Variants in BTG4 observed in about 807,000 individuals in gnomAD.
The protein encoded by BTG4 is protein BTG4.
A neutral mutation model predicts 19.3 loss-of-function variants in BTG4; 10 were observed. The observed-to-expected ratio is 0.52, with a 90% CI of 0.32 to 0.88. The LOEUF (loss-of-function observed/expected upper bound fraction) is 0.88, where lower values mean the gene tolerates loss of function less well. Ranked by LOEUF, BTG4 falls within the 40% of genes least tolerant of loss-of-function variation. The pLI is 0.04. For missense variants in BTG4, 238 were observed against 281.9 expected (o/e 0.84, Z 1.11); for synonymous variants, 91 against 95.7 (o/e 0.95, Z 0.29).
In BTG4 at chr11:111,483,268, A is replaced by C. The variant is rs954427773; in HGVS notation, c.662+11895T>G. On this transcript the variant is annotated intron_variant, in intron 5 of 5. Transcript: ENST00000356018. The stretch of plus-strand genomic sequence containing the variant: ...AAGCCTTCTCAAGAAGGGCAGGTAC[A>C]AATAAATCCAGATTACAAAGATTGG... Among the ~76,000 whole-genome samples, 6 of 152,210 alleles carry C rather than the reference A, an allele frequency of 3.9e-5. No individual in the cohort carries two copies. In the East Asian group the frequency reaches 7.7e-4, roughly 20 times the overall value.
At chr11:111,387,888 T>C in the BTG4 span, among the ~76,000 whole-genome samples, 1 of 152,204 alleles carries the variant, frequency 6.6e-6, no homozygotes, top group African/African-American at 2.4e-5. Flanking sequence ...CCTTTTTTTT[T>C]TCTTCTTTGC....
At chr11:111,416,158 C>T in the BTG4 span, 1 of 152,168 alleles carries the variant, frequency 6.6e-6, no homozygotes, top group Admixed American at 6.6e-5. Context: ...GGAGAAAGAG[C>T]TTGGAGGATG....
intron 5 of BTG4, among the ~76,000 whole-genome samples, chr11:111,483,065 C>A (rs536816360): frequency 2.6e-5 from 4 of 152,208 alleles, no homozygotes; most frequent in African/African-American, 9.6e-5. Context: ...AATTGAACAA[C>A]TACCCATGCA....
chr11:111,419,771 T>C, the BTG4 span, among the ~76,000 whole-genome samples: 1 of 152,258 alleles, frequency 6.6e-6, no homozygotes, highest in Admixed American at 6.5e-5. Flanking sequence ...GGCAGCGGGA[T>C]GGCTTCACCC....
upstream of BTG4, chr11:111,513,602 C>A: frequency 2.4e-6 from 1 of 424,584 alleles, no homozygotes; most frequent in Non-Finnish European, 4.9e-6. Flanking sequence ...CATCCATTGC[C>A]TATTAATTGC....
intron 1 of BTG4, among the ~76,000 whole-genome samples, chr11:111,511,699 T>G (rs1372791451): frequency 6.6e-6 from 1 of 152,178 alleles, no homozygotes; most frequent in African/African-American, 2.4e-5. Flanking sequence ...CCAGAAGTCC[T>G]CTGTAACTGT....
At chr11:111,390,994 C>T in the BTG4 span, among the ~76,000 whole-genome samples, 2 of 152,208 alleles carry the variant, frequency 1.3e-5, no homozygotes, top group African/African-American at 2.4e-5. Context: ...ATTTGGCAGA[C>T]TTCTGGTGCA....
the BTG4 span, chr11:111,450,737 C>T: frequency 3.3e-5 from 5 of 152,336 alleles, no homozygotes; most frequent in African/African-American, 1.2e-4. Flanking sequence ...CAGAGGGAAT[C>T]CCTGCTTGTT....
At chr11:111,485,790 C>A (rs1162395016) in intron 5 of BTG4, among the ~76,000 whole-genome samples, 1 of 151,864 alleles carries the variant, frequency 6.6e-6, no homozygotes, top group Non-Finnish European at 1.5e-5. Flanking sequence ...TACAAAAGAA[C>A]AAAATGAAAA....
At chr11:111,487,749 T>C (rs1348113317) in intron 5 of BTG4, among the ~76,000 whole-genome samples, 3 of 151,998 alleles carry the variant, frequency 2.0e-5, no homozygotes, top group Non-Finnish European at 4.4e-5. Flanking sequence ...AACTGAAAAA[T>C]AAATTCAGTA....
the BTG4 span, among the ~76,000 whole-genome samples, chr11:111,413,134 G>A: frequency 1.3e-5 from 2 of 152,140 alleles, no homozygotes; most frequent in Admixed American, 6.5e-5. Context: ...AGAAGGAGGT[G>A]GAAAAGGTTC....
chr11:111,429,349 G>A, the BTG4 span, among the ~76,000 whole-genome samples: 2 of 152,138 alleles, frequency 1.3e-5, no homozygotes, highest in African/African-American at 2.4e-5. Flanking sequence ...TGGGTAACTG[G>A]CACGTTACTC....
the BTG4 span, chr11:111,448,553 G>C: frequency 6.5e-6 from 1 of 153,004 alleles, no homozygotes; most frequent in Non-Finnish European, 1.5e-5. Flanking sequence ...GCCCTCCCAG[G>C]TTCTTCAACC....
downstream of BTG4, among the ~76,000 whole-genome samples, chr11:111,466,313 T>C (rs1308586981): frequency 1.3e-5 from 2 of 152,206 alleles, no homozygotes; most frequent in Non-Finnish European, 2.9e-5. Flanking sequence ...AAATTTTAAA[T>C]ACTCAAGGCC....
At chr11:111,497,458 C>T (rs2135678025) in intron 3 of BTG4, 49 bp from the exon 4 acceptor site, 7 of 1,205,734 alleles carry the variant, frequency 5.8e-6, no homozygotes, top group Non-Finnish European at 7.7e-6. Context: ...CAACTTTCTA[C>T]AAGATCTCCA....
At chr11:111,453,572 AG>A in the BTG4 span, 12 of 454,082 alleles carry the variant, frequency 2.6e-5, no homozygotes, top group East Asian at 5.6e-4. Flanking sequence ...CCCAGGGTTG[AG>A]GGGGGTCCTG....
chr11:111,490,142 T>C (rs4938688), downstream of BTG4, among the ~76,000 whole-genome samples: 139,929 of 149,524 alleles, frequency 0.94, 66,210 homozygotes, highest in East Asian at 1. Context: ...ATTAGCTGGG[T>C]GTGGTGGCGG....
chr11:111,453,257 G>A, the BTG4 span, among the ~76,000 whole-genome samples: 7 of 152,142 alleles, frequency 4.6e-5, no homozygotes, highest in Non-Finnish European at 7.4e-5. Context: ...GGGGAAAAAC[G>A]ACAGAGACCT....
intron 1 of BTG4, among the ~76,000 whole-genome samples, chr11:111,499,971 G>C (rs1187961577): frequency 6.6e-6 from 1 of 151,822 alleles, no homozygotes; most frequent in African/African-American, 2.4e-5. Context: ...GTGAAACCCC[G>C]TCTCTACTAA....
Sources: gnomAD v4.1 joint callset for allele counts (sites outside exome capture counted in the v4.1 genomes callset) on GRCh38, gnomAD v4.1.1 for gene constraint, MANE v1.5 for transcripts, NCBI Gene and HGNC (gene_info 2026-07-23, HGNC 2026-07-21) for gene names.